Variants in CCDC171 observed in about 807,000 individuals in gnomAD.
CCDC171 encodes coiled-coil domain-containing protein 171.
In CCDC171, 177 loss-of-function variants were observed where a neutral mutation model predicts 168.2. The ratio of observed to expected loss-of-function variants is 1.05; its 90% CI spans 0.93 to 1.19. The LOEUF (loss-of-function observed/expected upper bound fraction) is 1.19. CCDC171 is among the 50% of genes most tolerant of loss of function. The pLI, the probability that CCDC171 is intolerant of heterozygous loss-of-function variation, is 0.00. For missense variants in CCDC171, 1,991 were observed against 1,539.0 expected (o/e 1.29, Z -4.91); for synonymous variants, 687 against 540.8 (o/e 1.27, Z -3.75).
chr9:15,674,622 G>C (rs570608219), intron 9 of CCDC171, among the ~76,000 whole-genome samples: 15 of 152,296 alleles, frequency 9.8e-5, no homozygotes, highest in African/African-American at 3.6e-4. Context: ...TATTTACTGA[G>C]TAGTCATTTA....
intron 1 of CCDC171, among the ~76,000 whole-genome samples, chr9:16,045,888 T>C (rs1833652490): frequency 6.6e-6 from 1 of 152,150 alleles, no homozygotes; most frequent in African/African-American, 2.4e-5. Context: ...AAACCCAGGC[T>C]CTACTTCCCT....
the CCDC171 span, among the ~76,000 whole-genome samples, chr9:16,103,195 C>T: frequency 3.9e-5 from 6 of 152,294 alleles, no homozygotes; most frequent in East Asian, 5.8e-4. Context: ...AGTTTCAGTT[C>T]TGAGCTTTAA....
Position 15,600,839 on chromosome 9 carries a change from G to A in CCDC171, c.675+6667G>A, listed in dbSNP as rs866572597. Among the ~76,000 whole-genome samples, 8 of 152,172 alleles carry A rather than the reference G, an allele frequency of 5.3e-5. No homozygotes were observed. In the South Asian group the frequency reaches 1.7e-3, roughly 32 times the overall value. ...CCTACTCAAGCCTCCACAATGGCGG[G>A]CGTCCCTCCCCCAGCCTCGCTGCCA... On this transcript the variant is annotated intron_variant, in intron 6 of 25. Transcript: ENST00000380701.
intron 3 of CCDC171, among the ~76,000 whole-genome samples, chr9:16,006,702 A>G (rs1312384696): frequency 6.6e-6 from 1 of 151,624 alleles, no homozygotes; most frequent in Non-Finnish European, 1.5e-5. Flanking sequence ...TGTCCTTGCG[A>G]CAGTTTGCTG....
At chr9:15,723,980 C>G (rs765999250) in intron 13 of CCDC171, among the ~76,000 whole-genome samples, 2 of 151,386 alleles carry the variant, frequency 1.3e-5, no homozygotes, top group Non-Finnish European at 2.9e-5. Flanking sequence ...AATTTATTTC[C>G]CAGATTTAAT....
At chr9:15,674,825 A>G (rs1338180096) in intron 9 of CCDC171, among the ~76,000 whole-genome samples, 2 of 152,178 alleles carry the variant, frequency 1.3e-5, no homozygotes, top group African/African-American at 4.8e-5. Flanking sequence ...GTTGAGAAGA[A>G]TGTATATTCT....
chr9:15,586,484 G>A (rs1053356463), intron 4 of CCDC171, among the ~76,000 whole-genome samples: 23 of 152,182 alleles, frequency 1.5e-4, no homozygotes, highest in African/African-American at 5.3e-4. Flanking sequence ...TAAGTCAGGA[G>A]TGGGGAAAAC....
chr9:15,607,829 A>G (rs1405866833), intron 6 of CCDC171, among the ~76,000 whole-genome samples: 3 of 152,190 alleles, frequency 2.0e-5, no homozygotes, highest in African/African-American at 7.2e-5. Flanking sequence ...TAACTGCTGT[A>G]TAATATTTTA....
chr9:15,904,888 C>G (rs1020086326), intron 24 of CCDC171, among the ~76,000 whole-genome samples: 3 of 151,412 alleles, frequency 2.0e-5, no homozygotes, highest in African/African-American at 7.3e-5. Context: ...TCTGATAAAA[C>G]AGACTTTAAA....
chr9:15,867,689 C>T (rs912934904), intron 23 of CCDC171, among the ~76,000 whole-genome samples: 8 of 151,402 alleles, frequency 5.3e-5, no homozygotes, highest in African/African-American at 1.5e-4. Flanking sequence ...AAAGATAAGA[C>T]ACTACAGAAT....
chr9:15,623,446 C>G (rs367580763), intron 7 of CCDC171, 33 bp downstream of exon 7: 34 of 1,422,826 alleles, frequency 2.4e-5, no homozygotes, highest in Non-Finnish European at 3.2e-5. Flanking sequence ...AATATATATG[C>G]GTACAAACTT....
At chr9:15,668,993 A>G (rs537380191) in intron 9 of CCDC171, among the ~76,000 whole-genome samples, 99 of 152,110 alleles carry the variant, frequency 6.5e-4, no homozygotes, top group Non-Finnish European at 1.3e-3. Flanking sequence ...TTGGAGCAGT[A>G]TATTGTTTTA....
chr9:15,956,493 T>C (rs1829812452), intron 25 of CCDC171, among the ~76,000 whole-genome samples: 1 of 152,204 alleles, frequency 6.6e-6, no homozygotes, highest in South Asian at 2.1e-4. Flanking sequence ...AATGTAGGTT[T>C]CCGAAGGCAG....
the CCDC171 span, among the ~76,000 whole-genome samples, chr9:16,075,649 A>T: frequency 1.3e-5 from 2 of 152,200 alleles, no homozygotes; most frequent in Admixed American, 6.5e-5. Flanking sequence ...CAGGTCTCAC[A>T]CAATGATAGC....
intron 23 of CCDC171, among the ~76,000 whole-genome samples, chr9:15,857,184 G>GATT (rs1028724154): frequency 2.6e-5 from 4 of 151,678 alleles, no homozygotes; most frequent in East Asian, 1.9e-4. Flanking sequence ...TCATTATGTT[G>GATT]ATTATTATTA....
At chr9:15,919,045 G>A (rs1824948001) in intron 24 of CCDC171, among the ~76,000 whole-genome samples, 1 of 151,590 alleles carries the variant, frequency 6.6e-6, no homozygotes, top group Admixed American at 6.6e-5. Context: ...AGATAAACAT[G>A]TAAACTAATA....
chr9:15,910,801 G>A (rs1341636335), intron 24 of CCDC171, among the ~76,000 whole-genome samples: 1 of 152,018 alleles, frequency 6.6e-6, no homozygotes, highest in Non-Finnish European at 1.5e-5. Flanking sequence ...GGGGTGTTTG[G>A]TTTTCTGTCC....
chr9:15,669,486 C>T (rs2048958317), intron 9 of CCDC171, among the ~76,000 whole-genome samples: 3 of 152,148 alleles, frequency 2.0e-5, no homozygotes, highest in Admixed American at 6.6e-5. Flanking sequence ...ATTCCAATTC[C>T]ACTTTTTTAG....
chr9:16,107,858 T>G, the CCDC171 span, among the ~76,000 whole-genome samples: 2 of 152,168 alleles, frequency 1.3e-5, no homozygotes, highest in African/African-American at 2.4e-5. Flanking sequence ...GCCTGGTATG[T>G]AGTAGGAGCT....
Sources: gnomAD v4.1 joint callset for allele counts (sites outside exome capture counted in the v4.1 genomes callset) on GRCh38, gnomAD v4.1.1 for gene constraint, MANE v1.5 for transcripts, NCBI Gene and HGNC (gene_info 2026-07-23, HGNC 2026-07-21) for gene names.